CELF2: variants seen among roughly 807,000 people sequenced by gnomAD.
CELF2 encodes the protein CUGBP Elav-like family member 2.
A neutral mutation model predicts 62.6 loss-of-function variants in CELF2; 8 were observed. That is an observed-to-expected ratio of 0.13 (90% confidence interval 0.07 to 0.23). CELF2 has a LOEUF of 0.23. Ranked by LOEUF, CELF2 falls within the 10% of genes least tolerant of loss-of-function variation. The probability of loss-of-function intolerance (pLI) is 1.00; values close to 1 mark genes in which losing one functional copy is unlikely to be tolerated. For missense variants in CELF2, 333 were observed against 671.0 expected (o/e 0.50, Z 5.56); for synonymous variants, 258 against 250.0 (o/e 1.03, Z -0.30).
intron 2 of CELF2, among the ~76,000 whole-genome samples, chr10:11,203,608 C>T (rs903080749): frequency 1.2e-4 from 19 of 152,172 alleles, no homozygotes; most frequent in African/African-American, 4.3e-4. Flanking sequence ...TCCATGCCTC[C>T]ACTTCTTTAA....
At position 11,270,870 on chromosome 10, in the gene CELF2, T is replaced by G; in HGVS notation, c.777+46T>G. ...GCGTGGTCTTCACCCGCTGAAACTCTGCAAACTGACTTTTCCCCTCCCTAC... is the reference window on the plus strand; with the variant it reads ...GCGTGGTCTTCACCCGCTGAAACTCGGCAAACTGACTTTTCCCCTCCCTAC... On this transcript the variant is annotated intron_variant, in intron 7 of 12. Transcript: ENST00000633077. The surrounding 1 kb of genome is among the most constrained non-coding windows in gnomAD (Gnocchi z 5.8). The G allele has an allele frequency of 7.5e-7, 1 of 1,334,312 alleles. No individual in the cohort carries two copies. The highest frequency in any genetic ancestry group is 9.7e-7 in the Non-Finnish European group (1 of 1,030,262). The allele number at this position is 1,334,312 out of a possible 1,614,324, so 82.7% of individuals were successfully genotyped here.
chr10:10,462,618 T>TTC, the CELF2 span, among the ~76,000 whole-genome samples: 1 of 140,146 alleles, frequency 7.1e-6, no homozygotes, highest in Non-Finnish European at 1.5e-5. Flanking sequence ...TTTTCATCTT[T>TTC]TTTTTTTTTT....
At chr10:10,964,371 T>A (rs908379021) in intron 2 of CELF2, among the ~76,000 whole-genome samples, 2 of 152,228 alleles carry the variant, frequency 1.3e-5, no homozygotes, top group African/African-American at 4.8e-5. Context: ...AACTGGCCAC[T>A]TTTTGAAGGT....
intron 8 of CELF2, among the ~76,000 whole-genome samples, chr10:11,279,230 G>A (rs2087340051): frequency 6.6e-6 from 1 of 152,214 alleles, no homozygotes; most frequent in African/African-American, 2.4e-5. Flanking sequence ...CTGATTCTGA[G>A]TAAAGCAAGT....
chr10:11,166,854 A>C (rs1295286541), intron 2 of CELF2, among the ~76,000 whole-genome samples: 1 of 152,206 alleles, frequency 6.6e-6, no homozygotes, highest in Admixed American at 6.5e-5. Context: ...GACTCCGAGA[A>C]ATTTTGGGCT....
chr10:10,745,297 T>G, the CELF2 span, among the ~76,000 whole-genome samples: 8 of 152,290 alleles, frequency 5.3e-5, no homozygotes, highest in East Asian at 1.5e-3. Flanking sequence ...AGCTGCTGCT[T>G]CATCACCTTG....
the CELF2 span, among the ~76,000 whole-genome samples, chr10:10,754,060 G>GGGTTTTTTTT: frequency 2.5e-4 from 11 of 44,680 alleles, no homozygotes; most frequent in African/African-American, 1.3e-3. Flanking sequence ...ATGCTGAGGT[G>GGGTTTTTTTT]GTTTTTTTTT....
Position 10,914,592 on chromosome 10 carries a change from A to G in CELF2, c.54-5372A>G, listed in dbSNP as rs2064150275. On this transcript the variant is annotated intron_variant, in intron 1 of 13. Transcript: ENST00000636488. ...AAACTGAATTTATGCTGCAACTTCA[A>G]ATTTGCGGAGAGCTTTCCTGTTGGT... Among the ~76,000 whole-genome samples the G allele has an allele frequency of 2.0e-5, 3 of 152,092 alleles. No individual in the cohort carries two copies. In the South Asian group the frequency reaches 6.2e-4, roughly 32 times the overall value.
chr10:10,799,553 A>T (rs1039321494), intron 1 of CELF2, among the ~76,000 whole-genome samples: 20 of 152,062 alleles, frequency 1.3e-4, no homozygotes, highest in Non-Finnish European at 2.8e-4. Flanking sequence ...GGGCCCTTGA[A>T]GGGTCAAGGG....
At chr10:11,059,159 A>G (rs912619139) in intron 1 of CELF2, among the ~76,000 whole-genome samples, 4 of 152,142 alleles carry the variant, frequency 2.6e-5, no homozygotes, top group Admixed American at 6.5e-5. Flanking sequence ...AGTAAACAGA[A>G]CCATCACTAG....
In CELF2 at chr10:11,237,442, A is replaced by G. The variant is rs779450157; in HGVS notation, c.355-11711A>G. 4.6e-5 allele frequency among the ~76,000 whole-genome samples: 7 copies of G among 152,128 alleles called. No homozygotes were observed. The highest frequency in any genetic ancestry group is 7.2e-5 in the African/African-American group (3 of 41,436). On this transcript the variant is annotated intron_variant, in intron 3 of 12. Coordinates refer to ENST00000633077, the MANE Select transcript of CELF2 (RefSeq NM_001326342.2). This position sits in a 1 kb window ranked among gnomAD's most constrained non-coding sequence, Gnocchi z 4.0. Reference sequence around the variant, plus strand: ...GTGTGGCTGGAAGAGTCTGAGTAGTAGGTCATCCTGGGAAGCAGTGTAAGA... The same window carrying G: ...GTGTGGCTGGAAGAGTCTGAGTAGTGGGTCATCCTGGGAAGCAGTGTAAGA...
At chr10:11,027,120 C>T (rs1437122831) in intron 1 of CELF2, among the ~76,000 whole-genome samples, 1 of 152,194 alleles carries the variant, frequency 6.6e-6, no homozygotes, top group Non-Finnish European at 1.5e-5. Flanking sequence ...AGCCAGCCAT[C>T]TTTTCTTGGT....
chr10:10,850,303 C>G (rs1450293664), intron 1 of CELF2, among the ~76,000 whole-genome samples: 1 of 152,200 alleles, frequency 6.6e-6, no homozygotes, highest in South Asian at 2.1e-4. Context: ...AGGATTTTCT[C>G]CAGTAAGAAG....
chr10:10,862,142 A>G (rs903607701), intron 1 of CELF2, among the ~76,000 whole-genome samples: 46 of 152,336 alleles, frequency 3.0e-4, no homozygotes, highest in African/African-American at 1.1e-3. Context: ...AGAAGACATT[A>G]AGGTATGTAG....
At chr10:10,847,992 G>C (rs972215719) in intron 1 of CELF2, among the ~76,000 whole-genome samples, 2 of 152,040 alleles carry the variant, frequency 1.3e-5, no homozygotes, top group African/African-American at 4.8e-5. Flanking sequence ...ATAGAAGATG[G>C]TCTCCCTTCT....
rs1345135737 is a variant in CELF2, at chr10:10,999,533, C to G, written c.89+79534C>G. The stretch of plus-strand genomic sequence containing the variant: ...GGAGGAACACTTGAGCCCAGGAGTT[C>G]AAGGCTGCAATGAGCTATGATTGTG... On this transcript the variant is annotated intron_variant, in intron 2 of 13. Transcript: ENST00000636488. Among the ~76,000 whole-genome samples, 9 of 152,244 alleles carry G rather than the reference C, an allele frequency of 5.9e-5. No homozygotes were observed. The East Asian group carries it at 1.7e-3, about 29-fold the overall frequency.
At chr10:11,182,472 TC>T (rs1157601338) in intron 2 of CELF2, among the ~76,000 whole-genome samples, 8 of 152,368 alleles carry the variant, frequency 5.3e-5, no homozygotes, top group African/African-American at 1.9e-4. Context: ...CTAGTTGTGA[TC>T]CTAGAGCTTC....
At chr10:10,752,240 A>G in the CELF2 span, among the ~76,000 whole-genome samples, 1 of 152,184 alleles carries the variant, frequency 6.6e-6, no homozygotes, top group African/African-American at 2.4e-5. Context: ...CATTGTCACT[A>G]TTAACCATGG....
the CELF2 span, among the ~76,000 whole-genome samples, chr10:10,518,119 A>G: frequency 6.6e-6 from 1 of 152,210 alleles, no homozygotes; most frequent in African/African-American, 2.4e-5. Flanking sequence ...CGACTTCTCA[A>G]CAATAACACC....
Sources: gnomAD v4.1 joint callset for allele counts (sites outside exome capture counted in the v4.1 genomes callset) on GRCh38, gnomAD v4.1.1 for gene constraint, Gnocchi (gnomAD v3.1) non-coding constraint, MANE v1.5 for transcripts, NCBI Gene and HGNC (gene_info 2026-07-23, HGNC 2026-07-21) for gene names.